MYO1D: variants seen among roughly 807,000 people sequenced by gnomAD.
MYO1D encodes the protein unconventional myosin-Id.
In MYO1D, 83 loss-of-function variants were observed where a neutral mutation model predicts 122.0. The observed-to-expected ratio is 0.68, with a 90% CI of 0.57 to 0.82. The LOEUF is 0.82. Among genes scored for constraint, MYO1D ranks in the 40% least tolerant of loss-of-function variants. The pLI is 0.00. For synonymous variants in MYO1D, 464 were observed against 446.9 expected (o/e 1.04, Z -0.48); for missense variants, 1,157 against 1,269.5 (o/e 0.91, Z 1.35).
At chr17:32,713,942 T>C (rs959913344) in intron 15 of MYO1D, among the ~76,000 whole-genome samples, 2 of 152,108 alleles carry the variant, frequency 1.3e-5, no homozygotes, top group African/African-American at 4.8e-5. Flanking sequence ...AATTTTTATA[T>C]GGTGTTGAGT....
chr17:32,565,190 G>A (rs756705403), intron 21 of MYO1D, among the ~76,000 whole-genome samples: 26 of 152,094 alleles, frequency 1.7e-4, no homozygotes, highest in Non-Finnish European at 3.8e-4. Context: ...TTTTAGTACA[G>A]ACAGGGTTTC....
chr17:32,637,556 A>G lies in MYO1D; in HGVS notation c.2709+1166T>C, dbSNP rs7224458. ...CATGGTGGCGTGCACCTCTAATCCC[A>G]GCTACTCAGGAGGCAGAGGCACAAG... On this transcript the variant is annotated intron_variant, in intron 20 of 21. Coordinates refer to ENST00000318217, the MANE Select transcript of MYO1D (RefSeq NM_015194.3). Among the ~76,000 whole-genome samples the G allele has an allele frequency of 6.5e-3, 991 of 152,278 alleles. 13 individuals carry two copies. The highest frequency in any genetic ancestry group is 0.02 in the African/African-American group (826 of 41,552).
Position 32,528,456 on chromosome 17 carries a change from T to A in MYO1D, c.2865-33541A>T, listed in dbSNP as rs188694782. 2.4e-3 allele frequency among the ~76,000 whole-genome samples: 361 copies of A among 151,978 alleles called. 1 individual carries two copies. The highest frequency in any genetic ancestry group is 0.017 in the Middle Eastern group (5 of 294). On this transcript the variant is annotated intron_variant, in intron 21 of 21. Transcript: ENST00000318217. ...AGGGGTGTGTATATGTGTGTGTGCG[T>A]ATGTGTGTGTGTGTGTATGTGTGTC...
At chr17:32,843,353 C>G (rs984896226) in intron 1 of MYO1D, among the ~76,000 whole-genome samples, 2 of 152,152 alleles carry the variant, frequency 1.3e-5, no homozygotes, top group Non-Finnish European at 2.9e-5. Context: ...ACATACCACA[C>G]TGAGTATCCA....
At chr17:32,659,480 G>T in intron 16 of MYO1D, 142 bp from the exon 17 acceptor site, 1 of 746,076 alleles carries the variant, frequency 1.3e-6, no homozygotes, top group Non-Finnish European at 2.2e-6. Flanking sequence ...GCCAAAGCAT[G>T]TCAGTTCCAC....
chr17:32,810,353 T>C (rs1170970627), intron 1 of MYO1D, among the ~76,000 whole-genome samples: 2 of 152,150 alleles, frequency 1.3e-5, no homozygotes, highest in African/African-American at 4.8e-5. Flanking sequence ...TGGTTGGGTG[T>C]CCTGTGTCAG....
intron 17 of MYO1D, among the ~76,000 whole-genome samples, chr17:32,654,827 G>A (rs912943113): frequency 1.3e-5 from 2 of 152,092 alleles, no homozygotes; most frequent in Non-Finnish European, 2.9e-5. Context: ...ACAGGTGTGT[G>A]CCACCATGCC....
chr17:32,624,856 T>C (rs1274653737), intron 20 of MYO1D, among the ~76,000 whole-genome samples: 1 of 151,878 alleles, frequency 6.6e-6, no homozygotes, highest in Non-Finnish European at 1.5e-5. Context: ...AATGGCGCGA[T>C]CTTGGCTCAC....
At chr17:32,626,908 A>G (rs2087935148) in intron 20 of MYO1D, among the ~76,000 whole-genome samples, 1 of 152,242 alleles carries the variant, frequency 6.6e-6, no homozygotes, top group Non-Finnish European at 1.5e-5. Context: ...AAAAGAAATT[A>G]TAAGAGGCGG....
intron 21 of MYO1D, among the ~76,000 whole-genome samples, chr17:32,540,629 A>G (rs1206466145): frequency 6.6e-6 from 1 of 152,158 alleles, no homozygotes; most frequent in Non-Finnish European, 1.5e-5. Flanking sequence ...GACTATAATC[A>G]AAAAGACAGA....
In MYO1D at chr17:32,745,193, A is replaced by G; in HGVS notation, c.1613+18T>C. ...AATGAGCTTAATCTAGAGTTAATTA[A>G]TAAAATTTCAATCTTACCTGTTATA... On this transcript the variant is annotated intron_variant, in intron 13 of 21. Coordinates refer to ENST00000318217, the MANE Select transcript of MYO1D (RefSeq NM_015194.3). The G allele has an allele frequency of 7.5e-7, 1 of 1,334,702 alleles. No homozygotes were observed. The highest frequency in any genetic ancestry group is 1.1e-6 in the Non-Finnish European group (1 of 940,592). 82.7% of individuals were successfully genotyped at this position (1,334,702 alleles called of 1,614,324 possible). A position where few individuals can be genotyped will look rare whatever the true frequency, so the allele number is the denominator to read the frequency against.
At chr17:32,502,169 G>A (rs1428632364) in intron 21 of MYO1D, among the ~76,000 whole-genome samples, 1 of 152,170 alleles carries the variant, frequency 6.6e-6, no homozygotes, top group Non-Finnish European at 1.5e-5. Context: ...TGCATCAGTG[G>A]ATGAATGAAT....
intron 1 of MYO1D, among the ~76,000 whole-genome samples, chr17:32,863,647 T>G (rs1210744099): frequency 6.6e-6 from 1 of 152,230 alleles, no homozygotes; most frequent in Non-Finnish European, 1.5e-5. Context: ...AAACAACTTT[T>G]TATAACTACA....
chr17:32,664,514 C>T (rs1252950984), intron 16 of MYO1D, among the ~76,000 whole-genome samples: 1 of 152,168 alleles, frequency 6.6e-6, no homozygotes, highest in Non-Finnish European at 1.5e-5. Flanking sequence ...AAAAGGGGCC[C>T]TGCTTCAAAC....
chr17:32,817,836 G>A (rs2090624741), intron 1 of MYO1D, among the ~76,000 whole-genome samples: 2 of 152,146 alleles, frequency 1.3e-5, no homozygotes, highest in Non-Finnish European at 2.9e-5. Flanking sequence ...GACTTTAAGA[G>A]GTAGTAGGGG....
chr17:32,851,880 G>A (rs1422904690), intron 1 of MYO1D, among the ~76,000 whole-genome samples: 2 of 152,332 alleles, frequency 1.3e-5, no homozygotes, highest in East Asian at 3.9e-4. Flanking sequence ...CTGATGTGCA[G>A]CCCAGCCCGG....
intron 16 of MYO1D, among the ~76,000 whole-genome samples, chr17:32,665,547 C>A (rs1449248309): frequency 6.6e-6 from 1 of 152,224 alleles, no homozygotes; most frequent in Admixed American, 6.5e-5. Context: ...TGTAATATTT[C>A]TTTTAAAAGC....
At chr17:32,723,478 A>G (rs966522559) in intron 14 of MYO1D, among the ~76,000 whole-genome samples, 1 of 152,144 alleles carries the variant, frequency 6.6e-6, no homozygotes, top group Non-Finnish European at 1.5e-5. Context: ...TCTGTAGCAG[A>G]AGGAAAAACA....
chr17:32,786,352 A>G (rs1320790466), intron 1 of MYO1D, among the ~76,000 whole-genome samples: 2 of 152,234 alleles, frequency 1.3e-5, no homozygotes, highest in Admixed American at 1.3e-4. Context: ...GAAAAGAGGC[A>G]ATGCTAAATC....
Sources: allele counts gnomAD v4.1 joint callset (sites outside exome capture counted in the v4.1 genomes callset), GRCh38; gene constraint gnomAD v4.1.1; transcripts MANE v1.5; gene names NCBI Gene and HGNC (gene_info 2026-07-23, HGNC 2026-07-21).